HERC1: variants seen among roughly 807,000 people sequenced by gnomAD.
The protein encoded by HERC1 is probable E3 ubiquitin-protein ligase HERC1.
HERC1 carries 160 observed loss-of-function variants against 554.3 expected under a neutral mutation model. The observed-to-expected ratio is 0.29, with a 90% CI of 0.25 to 0.33. The LOEUF (loss-of-function observed/expected upper bound fraction) is 0.33, where lower values mean the gene tolerates loss of function less well. Among genes scored for constraint, HERC1 ranks in the 10% least tolerant of loss-of-function variants. HERC1 has a pLI of 1.00. For missense variants in HERC1, 4,919 were observed against 5,918.5 expected (o/e 0.83, Z 5.54); for synonymous variants, 2,175 against 2,131.7 (o/e 1.02, Z -0.56).
chr15:63,632,139 C>T (rs1244734286), intron 68 of HERC1, among the ~76,000 whole-genome samples: 1 of 152,196 alleles, frequency 6.6e-6, no homozygotes, highest in Non-Finnish European at 1.5e-5. Flanking sequence ...CACAAACCAG[C>T]TCATGTCCTC....
intron 25 of HERC1, among the ~76,000 whole-genome samples, chr15:63,705,100 C>T (rs555500493): frequency 3.3e-5 from 5 of 151,968 alleles, no homozygotes; most frequent in Non-Finnish European, 2.9e-5. Flanking sequence ...AAAGACTTCT[C>T]GATAAAGAAA....
chr15:63,747,981 T>C, intron 10 of HERC1, 123 bp from the exon 11 acceptor site: 1 of 908,346 alleles, frequency 1.1e-6, no homozygotes, highest in Non-Finnish European at 1.6e-6. Flanking sequence ...ATCCTAGCAC[T>C]TTGGGAGGCC....
chr15:63,634,950 T>C, intron 65 of HERC1, 62 bp from the exon 66 acceptor site: 1 of 1,289,874 alleles, frequency 7.8e-7, no homozygotes, highest in Non-Finnish European at 1.1e-6. Flanking sequence ...AAAGTAAATC[T>C]GCCATTTTTG....
chr15:63,681,560 TTGAC>T (rs1398336868), intron 34 of HERC1, among the ~76,000 whole-genome samples: 2 of 152,096 alleles, frequency 1.3e-5, no homozygotes, highest in African/African-American at 4.8e-5. Context: ...ACCTGGGAAT[TTGAC>T]TGGTAAAGTT....
chr15:63,805,943 A>T (rs2077123684), intron 1 of HERC1, among the ~76,000 whole-genome samples: 1 of 8,876 alleles, frequency 1.1e-4, no homozygotes, highest in Non-Finnish European at 4.5e-4. Flanking sequence ...ACCCTATCTC[A>T]AAACAAAAAA....
chr15:63,784,546 A>G (rs1227181147), intron 1 of HERC1, among the ~76,000 whole-genome samples: 2 of 152,124 alleles, frequency 1.3e-5, no homozygotes, highest in Non-Finnish European at 2.9e-5. Context: ...GGTAGGAAAG[A>G]TATTTGCTCT....
Position 63,716,439 on chromosome 15 carries a change from G to A in HERC1, c.4013C>T (p.Pro1338Leu). Residue 1338 changes from proline (P) to leucine (L), a missense_variant, in exon 22 of 78, where the codon CCT (proline) becomes CTT (leucine). By Grantham distance (98) the Pro-to-Leu change is moderately conservative. Transcript: ENST00000443617. ...AGTTCGAGTAAATGAATGCTCCTGA[G>A]GATCAACATCTGCAGAGTCCTGGTT... The part of the protein sequence containing the change: ...SENQDSADVD[P>L]QEHSFTRTID... 6.2e-7 allele frequency: 1 copy of A among 1,613,380 alleles called. No homozygotes were observed. Among genetic ancestry groups the A allele is most frequent in the South Asian group, 1.1e-5 (1 of 91,036 alleles).
In HERC1 at chr15:63,764,238, T is replaced by C. The variant is rs3764186; in HGVS notation, c.931-47A>G. ...ACACAGCGTAGGAAGGGGAGAGACATATGCATTAAAATTAGTTAAACAGTC... is the reference window on the plus strand; with the variant it reads ...ACACAGCGTAGGAAGGGGAGAGACACATGCATTAAAATTAGTTAAACAGTC... On this transcript the variant is annotated intron_variant, in intron 2 of 77. Transcript: ENST00000443617. 644,788 of 1,274,672 alleles carry C rather than the reference T, an allele frequency of 0.51. 171,189 individuals carry two copies. The highest frequency in any genetic ancestry group is 0.56 in the Non-Finnish European group (496,195 of 891,486). The allele number at this position is 1,274,672 out of a possible 1,614,324, so 79.0% of individuals were successfully genotyped here. A position where few individuals can be genotyped will look rare whatever the true frequency, so the allele number is the denominator to read the frequency against.
At chr15:63,642,850 C>A in intron 59 of HERC1, 107 bp downstream of exon 59, 2 of 696,214 alleles carry the variant, frequency 2.9e-6, no homozygotes, top group Admixed American at 2.2e-5. Flanking sequence ...AAGTAGTAAT[C>A]CCTCTGGACA....
intron 69 of HERC1, 146 bp from the exon 70 acceptor site, chr15:63,628,961 T>C (rs903856214): frequency 1.1e-5 from 8 of 759,706 alleles, no homozygotes; most frequent in Non-Finnish European, 1.7e-5. Flanking sequence ...TTCTTTTTTT[T>C]TTTTTTTGAG....
At chr15:63,829,465 T>C (rs113525458) in intron 1 of HERC1, among the ~76,000 whole-genome samples, 1 of 58,190 alleles carries the variant, frequency 1.7e-5, no homozygotes, top group South Asian at 5.0e-4. Context: ...TGTGTGCACA[T>C]ATATGTTTAT....
chr15:63,665,845 T>A, intron 42 of HERC1, 74 bp downstream of exon 42: 1 of 1,053,654 alleles, frequency 9.5e-7, no homozygotes, highest in Non-Finnish European at 1.4e-6. Context: ...GAAGCATTTA[T>A]GACGGGATAT....
At position 63,756,694 on chromosome 15, in the gene HERC1, C is replaced by T; in HGVS notation, c.1276G>A (p.Ala426Thr). ...CTCCCATAGCTGCCTTTCCCGCAAG[C>T]TCTAACAGAGCCATCCGTAGAAATG... Reference protein sequence around the residue: ...FVISTDGSVRACGKGSYGRLG... With the variant: ...FVISTDGSVRTCGKGSYGRLG... The change falls in exon 5 of 78, where the codon GCT (alanine) becomes ACT (threonine). Residue 426 changes from alanine to threonine, a missense_variant. By Grantham distance (58) the Ala-to-Thr change is moderately conservative (BLOSUM62 0). Around this residue, in one of 11 missense-constraint regions of HERC1, gnomAD observed 744 missense variants for 1,090.0 expected, o/e 0.68. Coordinates refer to ENST00000443617, the MANE Select transcript of HERC1 (RefSeq NM_003922.4). The surrounding 1 kb of genome is among the most constrained non-coding windows in gnomAD (Gnocchi z 5.0). The T allele has an allele frequency of 6.2e-7, 1 of 1,612,864 alleles. No individual in the cohort carries two copies. The highest frequency in any genetic ancestry group is 8.5e-7 in the Non-Finnish European group (1 of 1,179,454).
chr15:63,691,991 T>C (rs2072141349), intron 31 of HERC1, among the ~76,000 whole-genome samples: 1 of 152,208 alleles, frequency 6.6e-6, no homozygotes, highest in African/African-American at 2.4e-5. Context: ...TATAGAACTG[T>C]GATAAATATC....
Position 63,753,074 on chromosome 15 carries a change from G to T in HERC1, c.1786C>A (p.His596Asn). The change falls in exon 8 of 78, where the codon CAT (histidine) becomes AAT (asparagine). Residue 596 changes from histidine (H) to asparagine (N), a missense_variant. By Grantham distance (68) the His-to-Asn change is moderately conservative. This residue lies in a region of HERC1 where 744 missense variants were observed against 1,090.0 expected (regional missense o/e 0.68). Coordinates refer to ENST00000443617, the MANE Select transcript of HERC1 (RefSeq NM_003922.4). ...TTATACACTCTGTTGGTATCACCAT[G>T]ACCAAGTTTACCTATAAAAACAAAC... is the stretch of plus-strand genomic sequence containing the variant. ...FGGGDNGKLG[H>N]GDTNRVYKPK... 6.3e-7 allele frequency: 1 copy of T among 1,595,992 alleles called. No individual in the cohort carries two copies. The highest frequency in any genetic ancestry group is 8.5e-7 in the Non-Finnish European group (1 of 1,170,966).
At chr15:63,821,265 T>C (rs1355182333) in intron 1 of HERC1, among the ~76,000 whole-genome samples, 4 of 151,592 alleles carry the variant, frequency 2.6e-5, no homozygotes, top group Admixed American at 6.6e-5. Flanking sequence ...CTAAAAAAAT[T>C]AGCAGGGGGC....
chr15:63,685,389 T>G (rs575321584), intron 34 of HERC1, among the ~76,000 whole-genome samples: 23 of 152,356 alleles, frequency 1.5e-4, no homozygotes, highest in South Asian at 2.1e-4. Flanking sequence ...GCCCTAATAA[T>G]TATAAATTCT....
At chr15:63,736,593 T>C (rs1475075642) in intron 12 of HERC1, among the ~76,000 whole-genome samples, 1 of 146,910 alleles carries the variant, frequency 6.8e-6, no homozygotes, top group East Asian at 1.9e-4. Flanking sequence ...CATCCATCAG[T>C]CTTTTAGCAT....
At chr15:63,713,147 C>T (rs959750010) in intron 23 of HERC1, among the ~76,000 whole-genome samples, 40 of 152,228 alleles carry the variant, frequency 2.6e-4, no homozygotes, top group African/African-American at 9.4e-4. Flanking sequence ...AAAATTGTGC[C>T]TCCTCATTTA....
Sources: allele counts gnomAD v4.1 joint callset (sites outside exome capture counted in the v4.1 genomes callset), GRCh38; gene constraint gnomAD v4.1.1; regional missense constraint gnomAD v4.1.1; non-coding constraint Gnocchi (gnomAD v3.1); transcripts MANE v1.5; gene names NCBI Gene and HGNC (gene_info 2026-07-23, HGNC 2026-07-21).